ATP2C2: variants seen among roughly 807,000 people sequenced by gnomAD.
ATP2C2 encodes the protein calcium-transporting ATPase type 2C member 2.
In ATP2C2, 171 loss-of-function variants were observed where a neutral mutation model predicts 110.8. The ratio of observed to expected loss-of-function variants is 1.54; its 90% CI spans 1.36 to 1.75. ATP2C2 has a LOEUF of 1.75. ATP2C2 is among the 40% of genes most tolerant of loss of function. ATP2C2 has a pLI of 0.00. For missense variants in ATP2C2, 1,963 were observed against 1,235.0 expected, an observed-to-expected ratio of 1.59 and a Z score of -8.84; for synonymous variants, 804 against 508.4, an observed-to-expected ratio of 1.58 and a Z score of -7.82.
intron 23 of ATP2C2, chr16:84,460,358 C>G (rs952220117): frequency 1.6e-5 from 7 of 444,278 alleles, no homozygotes; most frequent in Non-Finnish European, 2.5e-5. Flanking sequence ...GGGGGGGGTC[C>G]CCTCGGGGTG....
At position 84,460,731 on chromosome 16, in the gene ATP2C2, C is replaced by T. The variant is rs1911231608; in HGVS notation, c.2411C>T (p.Ala804Val). 3 of 1,614,184 alleles carry T rather than the reference C, an allele frequency of 1.9e-6. No homozygotes were observed. The highest frequency in any genetic ancestry group is 2.5e-6 in the Non-Finnish European group (3 of 1,180,024). Residue 804 changes from alanine to valine, a missense_variant, in exon 24 of 27, where the codon GCC (alanine) becomes GTC (valine). Transcript: ENST00000262429. ...RSVRDTILSR[A>V]LILKILMSAA... The stretch of plus-strand genomic sequence containing the variant: ...GTGCGGGACACCATCCTCAGCAGAG[C>T]CCTCATCCTGAAGATCCTCATGTCC...
At chr16:84,436,896 G>A (rs527875337) in intron 11 of ATP2C2, among the ~76,000 whole-genome samples, 1 of 151,758 alleles carries the variant, frequency 6.6e-6, no homozygotes, top group Admixed American at 6.6e-5. Flanking sequence ...CCGAGTAGCT[G>A]GGATTACAGG....
rs1449093435 is a variant in ATP2C2, at chr16:84,429,127, C to A, written c.986+3326C>A. On this transcript the variant is annotated intron_variant, in intron 11 of 26. Transcript: ENST00000262429. ...GGCTTAATATCCTGAACAGAACGAT[C>A]TTCATGGCGTTGTTTTTTTTGTTTG... is the stretch of plus-strand genomic sequence containing the variant. Among the ~76,000 whole-genome samples the A allele has an allele frequency of 8.2e-5, 11 of 133,434 alleles. 1 individual carries two copies. The highest frequency in any genetic ancestry group is 2.8e-4 in the African/African-American group (10 of 36,072). 87.5% of individuals were successfully genotyped at this position (133,434 alleles called of 152,430 possible).
At position 84,378,391 on chromosome 16, in the gene ATP2C2, G is replaced by A. The variant is rs116582613; in HGVS notation, c.99+9677G>A. On this transcript the variant is annotated intron_variant, in intron 1 of 26. Coordinates refer to ENST00000262429, the MANE Select transcript of ATP2C2 (RefSeq NM_014861.4). ...CATTCATGTGTCCTGGTGTGAAAGT[G>A]GAGGTGTTGGGTGCAAGAATGGAGG... 4.5e-3 allele frequency among the ~76,000 whole-genome samples: 688 copies of A among 152,254 alleles called. 7 individuals are homozygous for A. Among genetic ancestry groups the A allele is most frequent in the African/African-American group, 0.016 (653 of 41,538 alleles).
intron 16 of ATP2C2, among the ~76,000 whole-genome samples, chr16:84,447,260 A>T (rs780401833): frequency 6.6e-6 from 1 of 152,172 alleles, no homozygotes; most frequent in Non-Finnish European, 1.5e-5. Flanking sequence ...CTGTGCATGG[A>T]TGGACACATG....
intron 24 of ATP2C2, chr16:84,461,485 A>G: frequency 1.7e-6 from 1 of 600,286 alleles, no homozygotes; most frequent in Non-Finnish European, 3.0e-6. Flanking sequence ...CTCCACCCAT[A>G]GGTGCCCTGC....
chr16:84,432,374 C>T (rs1004936724), intron 11 of ATP2C2, among the ~76,000 whole-genome samples: 1 of 152,174 alleles, frequency 6.6e-6, no homozygotes, highest in African/African-American at 2.4e-5. Context: ...CCTACCAACC[C>T]GTCATCTAGG....
intron 14 of ATP2C2, 60 bp downstream of exon 14, chr16:84,441,018 T>C: frequency 7.2e-7 from 1 of 1,381,346 alleles, no homozygotes; most frequent in Non-Finnish European, 1.0e-6. Flanking sequence ...CTGGGGCTCC[T>C]CTCTGAAAAG....
chr16:84,434,898 G>A (rs1379693879), intron 11 of ATP2C2, among the ~76,000 whole-genome samples: 2 of 152,168 alleles, frequency 1.3e-5, no homozygotes, highest in Admixed American at 1.3e-4. Context: ...CCCTTCCCCT[G>A]CCATATGGGA....
intron 4 of ATP2C2, among the ~76,000 whole-genome samples, chr16:84,410,098 A>C (rs1906141694): frequency 6.6e-6 from 1 of 152,104 alleles, no homozygotes; most frequent in African/African-American, 2.4e-5. Flanking sequence ...GGTCCCAGCT[A>C]CTTGGGAGGC....
At chr16:84,381,733 C>T (rs933914704) in intron 1 of ATP2C2, among the ~76,000 whole-genome samples, 2 of 152,146 alleles carry the variant, frequency 1.3e-5, no homozygotes, top group African/African-American at 2.4e-5. Flanking sequence ...TGTAGGCATT[C>T]GTATTTAACC....
intron 6 of ATP2C2, among the ~76,000 whole-genome samples, chr16:84,413,693 G>A (rs932457590): frequency 1.8e-4 from 27 of 152,086 alleles, no homozygotes; most frequent in African/African-American, 5.3e-4. Flanking sequence ...CAGCGGTGTC[G>A]GGCAGCCCAG....
intron 6 of ATP2C2, among the ~76,000 whole-genome samples, chr16:84,414,102 C>G (rs1022498100): frequency 2.1e-4 from 32 of 152,266 alleles, no homozygotes; most frequent in African/African-American, 7.7e-4. Flanking sequence ...GTCGATCAGG[C>G]TGACATTTAG....
intron 1 of ATP2C2, among the ~76,000 whole-genome samples, chr16:84,372,702 G>A (rs1294702074): frequency 1.3e-5 from 2 of 152,088 alleles, no homozygotes; most frequent in Non-Finnish European, 2.9e-5. Flanking sequence ...GGGATTACAG[G>A]CGTGAGCCAC....
intron 10 of ATP2C2, among the ~76,000 whole-genome samples, chr16:84,425,109 A>T (rs1907694297): frequency 6.6e-6 from 1 of 152,094 alleles, no homozygotes; most frequent in African/African-American, 2.4e-5. Context: ...CCCCGCTACC[A>T]TCCATCAGAA....
At chr16:84,374,897 A>T (rs1277225671) in intron 1 of ATP2C2, among the ~76,000 whole-genome samples, 1 of 152,150 alleles carries the variant, frequency 6.6e-6, no homozygotes. Context: ...AAAAGGAGAG[A>T]AAGGGAATTA....
intron 1 of ATP2C2, among the ~76,000 whole-genome samples, chr16:84,397,668 A>AAAAAAAAAAAAAAAAAAAAAAAAAAAAAC: frequency 6.7e-6 from 1 of 148,860 alleles, no homozygotes; most frequent in Admixed American, 6.7e-5. Context: ...AAAAAAAAAA[A>AAAAAAAAAAAAAAAAAAAAAAAAAAAAAC]AAAAACTTGC....
intron 11 of ATP2C2, among the ~76,000 whole-genome samples, chr16:84,428,353 C>T (rs1597817284): frequency 6.6e-6 from 1 of 152,196 alleles, no homozygotes; most frequent in Non-Finnish European, 1.5e-5. Flanking sequence ...TTCAACGACA[C>T]TGCATGGTGT....
At chr16:84,447,887 AT>A (rs1909904620) in intron 16 of ATP2C2, among the ~76,000 whole-genome samples, 1 of 98,866 alleles carries the variant, frequency 1.0e-5, no homozygotes, top group Non-Finnish European at 2.2e-5. Flanking sequence ...TTACATATTA[AT>A]AACATATATA....
Sources: allele counts gnomAD v4.1 joint callset (sites outside exome capture counted in the v4.1 genomes callset), GRCh38; gene constraint gnomAD v4.1.1; transcripts MANE v1.5; gene names NCBI Gene and HGNC (gene_info 2026-07-23, HGNC 2026-07-21).